The following HACL1 variants were observed in gnomAD, a reference collection of about 807,000 sequenced individuals.
The protein encoded by HACL1 is 2-hydroxyacyl-CoA lyase 1, also known as 1600020H07Rik.
HACL1 carries 64 observed loss-of-function variants against 74.2 expected under a neutral mutation model. The ratio of observed to expected loss-of-function variants is 0.86; its 90% CI spans 0.70 to 1.06. The LOEUF (loss-of-function observed/expected upper bound fraction) is 1.06. Among genes scored for constraint, HACL1 ranks in the 50% least tolerant of loss-of-function variants. The probability of loss-of-function intolerance (pLI) is 0.00; values close to 1 mark genes in which losing one functional copy is unlikely to be tolerated. For missense variants in HACL1, 728 were observed against 719.7 expected, an observed-to-expected ratio of 1.01 and a Z score of -0.13; for synonymous variants, 230 against 238.8, an observed-to-expected ratio of 0.96 and a Z score of 0.34.
chr3:15,584,044 A>G (rs572150977), intron 7 of HACL1, among the ~76,000 whole-genome samples: 17 of 152,340 alleles, frequency 1.1e-4, no homozygotes, highest in Admixed American at 7.2e-4. Flanking sequence ...ACAGTTAAGT[A>G]TTTCTGGACA....
intron 11 of HACL1, among the ~76,000 whole-genome samples, chr3:15,572,464 T>C (rs1441398771): frequency 6.6e-6 from 1 of 152,198 alleles, no homozygotes; most frequent in Admixed American, 6.5e-5. Flanking sequence ...GAAACCCTCC[T>C]CGGTCTTTGA....
At chr3:15,587,547 T>C (rs967485240) in intron 5 of HACL1, among the ~76,000 whole-genome samples, 10 of 151,898 alleles carry the variant, frequency 6.6e-5, no homozygotes, top group Non-Finnish European at 1.3e-4. Flanking sequence ...GTTTTTAAAT[T>C]TGATCTAATA....
chr3:15,579,863 C>T, intron 9 of HACL1, 47 bp downstream of exon 9: 5 of 1,380,102 alleles, frequency 3.6e-6, no homozygotes, highest in Non-Finnish European at 4.0e-6. Context: ...TTAAATTAGC[C>T]TAAAATCTAC....
chr3:15,598,922 T>C (rs957839080), intron 2 of HACL1, among the ~76,000 whole-genome samples: 1 of 152,204 alleles, frequency 6.6e-6, no homozygotes, highest in Admixed American at 6.5e-5. Flanking sequence ...TCCTCCAAGC[T>C]GGCTCTTCCC....
intron 14 of HACL1, among the ~76,000 whole-genome samples, chr3:15,567,147 C>T (rs553472196): frequency 1.4e-4 from 21 of 150,386 alleles, no homozygotes; most frequent in Admixed American, 1.1e-3. Flanking sequence ...AGTCACATGG[C>T]TCTGACTTGA....
intron 2 of HACL1, among the ~76,000 whole-genome samples, chr3:15,598,006 A>G (rs1394062272): frequency 8.0e-5 from 12 of 150,722 alleles, no homozygotes; most frequent in Non-Finnish European, 1.3e-4. Flanking sequence ...GTTTTGTTTT[A>G]TTTTGTTTTG....
chr3:15,600,756 C>A (rs1049269712), intron 2 of HACL1: 2 of 332,198 alleles, frequency 6.0e-6, no homozygotes, highest in African/African-American at 2.1e-5. Flanking sequence ...GAGCTTGTAG[C>A]CTAATAGGGA....
At chr3:15,575,389 A>T (rs535566326) in intron 9 of HACL1, among the ~76,000 whole-genome samples, 2 of 152,202 alleles carry the variant, frequency 1.3e-5, no homozygotes, top group South Asian at 4.1e-4. Context: ...AAAAAAACAG[A>T]AAAAGTATAA....
chr3:15,597,985 G>GT (rs2064100163), intron 2 of HACL1, among the ~76,000 whole-genome samples: 1 of 151,788 alleles, frequency 6.6e-6, no homozygotes, highest in East Asian at 1.9e-4. Flanking sequence ...AAGTTGAGAG[G>GT]TAACTGTTTT....
intron 15 of HACL1, among the ~76,000 whole-genome samples, chr3:15,563,963 A>G (rs1410708626): frequency 6.6e-6 from 1 of 152,196 alleles, no homozygotes; most frequent in East Asian, 1.9e-4. Context: ...ATGAATCCAG[A>G]AGAAAAACAT....
chr3:15,580,857 A>G (rs906372334), intron 8 of HACL1, among the ~76,000 whole-genome samples: 1 of 152,212 alleles, frequency 6.6e-6, no homozygotes, highest in Non-Finnish European at 1.5e-5. Context: ...AGGCTCTGTA[A>G]TTCTGTGATT....
At position 15,563,396 on chromosome 3, in the gene HACL1, T is replaced by A; in HGVS notation, c.1666A>T (p.Asn556Tyr). The change falls in exon 16 of 17, where the codon AAC becomes TAC. Residue 556 changes from asparagine (N) to tyrosine (Y), a missense_variant. Asn to Tyr is a moderately radical substitution (Grantham distance 143). Coordinates refer to ENST00000321169, the MANE Select transcript of HACL1 (RefSeq NM_012260.4). ...LADTTKPSLINIMIEPQATRK... is the reference protein window; with the variant it reads ...LADTTKPSLIYIMIEPQATRK... ...GTGGCTTGTGGCTCAATCATGATGT[T>A]GATAAGAGAAGGTTTAGTTGTGTCT... 1 of 1,613,850 alleles carries A rather than the reference T, an allele frequency of 6.2e-7. No individual in the cohort carries two copies. Among genetic ancestry groups the A allele is most frequent in the Non-Finnish European group, 8.5e-7 (1 of 1,179,784 alleles).
chr3:15,581,173 A>G (rs2063711133), intron 8 of HACL1, among the ~76,000 whole-genome samples: 1 of 152,326 alleles, frequency 6.6e-6, no homozygotes, highest in South Asian at 2.1e-4. Flanking sequence ...AAGTGTTGGG[A>G]TTACAGGCGT....
At chr3:15,590,931 A>C (rs1316130710) in intron 4 of HACL1, among the ~76,000 whole-genome samples, 1 of 152,080 alleles carries the variant, frequency 6.6e-6, no homozygotes, top group Non-Finnish European at 1.5e-5. Flanking sequence ...AAATACAAAA[A>C]TTAGCCGGGC....
At chr3:15,576,152 C>T (rs1263230123) in intron 9 of HACL1, among the ~76,000 whole-genome samples, 1 of 72,646 alleles carries the variant, frequency 1.4e-5, no homozygotes, top group Non-Finnish European at 2.3e-5. Flanking sequence ...GAGACTCTGT[C>T]TCAAAAAAAA....
chr3:15,585,125 A>T, intron 7 of HACL1, 123 bp downstream of exon 7: 1 of 536,756 alleles, frequency 1.9e-6, no homozygotes, highest in East Asian at 3.2e-5. Context: ...TTAATTACTA[A>T]ATAATCAAGT....
rs1185744343 is a variant in HACL1 at position 15,576,154 on chromosome 3, CAAAAAAA to C, written c.804-1079_804-1073del. ...CTAGTAACAAAGCGAGACTCTGTCTCAAAAAAAAAAAAAAAAAAAAAAAGGTTTCCTT... is the reference window on the plus strand; with the variant it reads ...CTAGTAACAAAGCGAGACTCTGTCTCAAAAAAAAAAAAAAAAGGTTTCCTT... On this transcript the variant is annotated intron_variant, in intron 9 of 16. Transcript: ENST00000321169. 7.7e-4 allele frequency among the ~76,000 whole-genome samples: 48 copies of C among 62,462 alleles called. No homozygotes were observed. The South Asian group carries it at 0.026, about 33-fold the overall frequency. The allele number at this position is 62,462 out of a possible 152,430, so 41.0% of individuals were successfully genotyped here.
rs562864590 is a variant in HACL1, at chr3:15,583,638, CTTTT to C, written c.555-653_555-650del. Among the ~76,000 whole-genome samples, 4 of 143,878 alleles carry C rather than the reference CTTTT, an allele frequency of 2.8e-5. No homozygotes were observed. In the East Asian group the frequency reaches 6.1e-4, roughly 22 times the overall value. 94.4% of individuals were successfully genotyped at this position (143,878 alleles called of 152,430 possible). A position where few individuals can be genotyped will look rare whatever the true frequency, so the allele number is the denominator to read the frequency against. The stretch of plus-strand genomic sequence containing the variant: ...CTTTTAAACACCTTACCACATTTCT[CTTTT>C]TTTTTTTTCTTTTCTTTTTTTTTTT... On this transcript the variant is annotated intron_variant, in intron 7 of 16. Transcript: ENST00000321169.
chr3:15,580,458 C>T (rs2063700660), intron 8 of HACL1, among the ~76,000 whole-genome samples: 2 of 152,150 alleles, frequency 1.3e-5, no homozygotes, highest in Admixed American at 1.3e-4. Context: ...GGCTTAAACT[C>T]AAAACAAATT....
Sources: allele counts gnomAD v4.1 joint callset (sites outside exome capture counted in the v4.1 genomes callset), GRCh38; gene constraint gnomAD v4.1.1; transcripts MANE v1.5; gene names NCBI Gene and HGNC (gene_info 2026-07-23, HGNC 2026-07-21).